Variants in LHX6 observed in about 807,000 individuals in gnomAD.
LHX6 encodes the protein LIM homeobox 6, also known as LIM/homeobox protein Lhx6.
In LHX6, 15 loss-of-function variants were observed where a neutral mutation model predicts 47.1. The observed-to-expected ratio is 0.32, with a 90% CI of 0.21 to 0.49. The LOEUF is 0.49. Among genes scored for constraint, LHX6 ranks in the 20% least tolerant of loss-of-function variants. LHX6 has a pLI of 0.99. For synonymous variants in LHX6, 242 were observed against 233.5 expected (o/e 1.04, Z -0.33); for missense variants, 404 against 539.6 (o/e 0.75, Z 2.49).
Position 122,224,323 on chromosome 9 carries a change from C to A in LHX6, c.461+2053G>T, listed in dbSNP as rs140973752. On this transcript the variant is annotated intron_variant, in intron 4 of 9. Coordinates refer to ENST00000394319, the MANE Select transcript of LHX6 (RefSeq NM_014368.5). Reference sequence around the variant, plus strand: ...TATAGGTGTGAGCCACCACACCCGGCCCATCTGGCATGTTTTATACCAACT... The same window carrying A: ...TATAGGTGTGAGCCACCACACCCGGACCATCTGGCATGTTTTATACCAACT... Among the ~76,000 whole-genome samples the A allele has an allele frequency of 3.5e-4, 53 of 152,222 alleles. 1 individual carries two copies. Among genetic ancestry groups the A allele is most frequent in the Non-Finnish European group, 6.8e-4 (46 of 68,020 alleles).
rs569081646 is a variant in LHX6 at position 122,214,265 on chromosome 9, C to T, written c.783+18G>A. 30 of 1,578,116 alleles carry T rather than the reference C, an allele frequency of 1.9e-5. No individual in the cohort carries two copies. The highest frequency in any genetic ancestry group is 1.0e-4 in the South Asian group (9 of 87,446). Reference sequence around the variant, plus strand: ...CGGCCCGGCCCCCGCCCCCGCCGCCCACTGCTTGCAGCGGTACCTGCAGCT... The same window carrying T: ...CGGCCCGGCCCCCGCCCCCGCCGCCTACTGCTTGCAGCGGTACCTGCAGCT... On this transcript the variant is annotated intron_variant, in intron 6 of 9. Transcript: ENST00000394319. The surrounding 1 kb of genome is among the most constrained non-coding windows in gnomAD (Gnocchi z 4.6).
Position 122,217,175 on chromosome 9 carries a change from T to C in LHX6, c.575A>G (p.Lys192Arg), listed in dbSNP as rs1259396465. 2 of 1,614,196 alleles carry C rather than the reference T, an allele frequency of 1.2e-6. No homozygotes were observed. The highest frequency in any genetic ancestry group is 1.7e-6 in the Non-Finnish European group (2 of 1,180,010). Residue 192 changes from lysine (K) to arginine (R), a missense_variant, in exon 5 of 10, where the codon AAG (lysine) becomes AGG (arginine). By Grantham distance (26) the Lys-to-Arg change is conservative. Coordinates refer to ENST00000394319, the MANE Select transcript of LHX6 (RefSeq NM_014368.5). The surrounding 1 kb of genome is among the most constrained non-coding windows in gnomAD (Gnocchi z 4.9). ...HLACFACFSC[K>R]RQLSTGEEFG... ...CTCCTCACCAGTGGACAGCTGGCGCTTGCACGAGAAGCAGGCGAAGCAGGC... is the reference window on the plus strand; with the variant it reads ...CTCCTCACCAGTGGACAGCTGGCGCCTGCACGAGAAGCAGGCGAAGCAGGC...
intron 1 of LHX6, 91 bp from the exon 2 acceptor site, chr9:122,227,571 T>C: frequency 7.0e-7 from 1 of 1,421,450 alleles, no homozygotes; most frequent in Non-Finnish European, 9.2e-7. Flanking sequence ...GCCTGTTATA[T>C]AAACCGGCGC....
At position 122,228,643 on chromosome 9, in the gene LHX6, G is replaced by T; in HGVS notation, c.84+14C>A. 7.7e-7 allele frequency: 1 copy of T among 1,304,108 alleles called. No homozygotes were observed. The allele number at this position is 1,304,108 out of a possible 1,614,324, so 80.8% of individuals were successfully genotyped here. A position where few individuals can be genotyped will look rare whatever the true frequency, so the allele number is the denominator to read the frequency against. On this transcript the variant is annotated intron_variant, in intron 1 of 9. Coordinates refer to ENST00000394319, the MANE Select transcript of LHX6 (RefSeq NM_014368.5). ...CCCGGCCCGGGCCGCTCACCCAGTC[G>T]TTCGCCGGCTCACCTGGTCGGTGGC... is the stretch of plus-strand genomic sequence containing the variant.
chr9:122,208,600 G>A (rs1385615671), intron 9 of LHX6, among the ~76,000 whole-genome samples: 2 of 152,162 alleles, frequency 1.3e-5, no homozygotes, highest in African/African-American at 4.8e-5. Context: ...GGGAGGCTGA[G>A]GCGGGTGGAT....
intron 9 of LHX6, among the ~76,000 whole-genome samples, chr9:122,207,570 C>T (rs1314853930): frequency 2.6e-5 from 4 of 152,140 alleles, no homozygotes; most frequent in East Asian, 1.9e-4. Flanking sequence ...ACAGTCTCAG[C>T]GGCGATGGTG....
chr9:122,205,285 C>T (rs116176968), intron 9 of LHX6, among the ~76,000 whole-genome samples: 241 of 152,330 alleles, frequency 1.6e-3, no homozygotes, highest in African/African-American at 5.5e-3. Flanking sequence ...CCAAGGTCAC[C>T]GTGACCATAG....
rs913264872 is a variant in LHX6 at position 122,228,795 on chromosome 9, G to C, written c.-55C>G. On this transcript the variant is annotated 5_prime_UTR_variant, in exon 1 of 10. Coordinates refer to ENST00000394319, the MANE Select transcript of LHX6 (RefSeq NM_014368.5). The stretch of plus-strand genomic sequence containing the variant: ...CGCAGCGCGGAGAGCTGCGCCGAGG[G>C]GGACCACAGCCGCAGTGGGAGCAGA... 8.6e-7 allele frequency: 1 copy of C among 1,165,508 alleles called. No homozygotes were observed. Among genetic ancestry groups the C allele is most frequent in the Non-Finnish European group, 1.1e-6 (1 of 929,040 alleles). 72.2% of individuals were successfully genotyped at this position (1,165,508 alleles called of 1,614,324 possible).
Position 122,217,812 on chromosome 9 carries a change from T to C in LHX6, c.462-524A>G, listed in dbSNP as rs1830655308. On this transcript the variant is annotated intron_variant, in intron 4 of 9. Transcript: ENST00000394319. The surrounding 1 kb of genome is among the most constrained non-coding windows in gnomAD (Gnocchi z 4.9). Reference sequence around the variant, plus strand: ...AGCTATAGCGCCAGCTGTACAGAAGTGCAGTTTCTTAGATGAACAGACAGA... The same window carrying C: ...AGCTATAGCGCCAGCTGTACAGAAGCGCAGTTTCTTAGATGAACAGACAGA... Among the ~76,000 whole-genome samples the C allele has an allele frequency of 1.3e-5, 2 of 152,142 alleles. No individual in the cohort carries two copies. The highest frequency in any genetic ancestry group is 4.8e-5 in the African/African-American group (2 of 41,430).
Position 122,204,558 on chromosome 9 carries a change from C to G in LHX6, c.*202G>C, listed in dbSNP as rs992257738. The stretch of plus-strand genomic sequence containing the variant: ...AGTTCTGCCTTCCAAGAGGAGGACT[C>G]TGTGGTGCTCCTGGTGGGTTCTGGT... On this transcript the variant is annotated 3_prime_UTR_variant, in exon 10 of 10. Transcript: ENST00000394319. 1 of 480,090 alleles carries G rather than the reference C, an allele frequency of 2.1e-6. No individual in the cohort carries two copies. 29.7% of individuals were successfully genotyped at this position (480,090 alleles called of 1,614,324 possible).
rs746137540 is a variant in LHX6 at position 122,204,663 on chromosome 9, G to T, written c.*97C>A. 2.5e-5 allele frequency: 36 copies of T among 1,459,914 alleles called. 1 individual carries two copies. In the South Asian group the frequency reaches 3.7e-4, roughly 15 times the overall value. The allele number at this position is 1,459,914 out of a possible 1,614,324, so 90.4% of individuals were successfully genotyped here. On this transcript the variant is annotated 3_prime_UTR_variant, in exon 10 of 10. Coordinates refer to ENST00000394319, the MANE Select transcript of LHX6 (RefSeq NM_014368.5). ...GATGGCGGACGGGGGTGGATGCGGA[G>T]GTGGGTGGACTCCTGGCCGCAGCTT...
In LHX6 at chr9:122,208,980, G is replaced by C. The variant is rs142744229; in HGVS notation, c.1158+634C>G. On this transcript the variant is annotated intron_variant, in intron 9 of 9. Transcript: ENST00000394319. Reference sequence around the variant, plus strand: ...TAACTGTGAGGTGTCTTGGAGCTGGGAGGGAGGTAAGTCTCCTCCTCTCTC... The same window carrying C: ...TAACTGTGAGGTGTCTTGGAGCTGGCAGGGAGGTAAGTCTCCTCCTCTCTC... Among the ~76,000 whole-genome samples, 302 of 152,328 alleles carry C rather than the reference G, an allele frequency of 2.0e-3. 1 individual carries two copies. The highest frequency in any genetic ancestry group is 6.8e-3 in the African/African-American group (284 of 41,570).
chr9:122,221,275 G>C (rs529443749), intron 4 of LHX6: 2 of 985,576 alleles, frequency 2.0e-6, no homozygotes, highest in Middle Eastern at 5.2e-4. Flanking sequence ...ACCGCTTCTC[G>C]GAGGTCCCGG....
rs771972326 is a variant in LHX6 at position 122,213,970 on chromosome 9, C to T, written c.879+4G>A. 115 of 1,591,838 alleles carry T rather than the reference C, an allele frequency of 7.2e-5. No homozygotes were observed. The East Asian group carries it at 2.4e-3, about 34-fold the overall frequency. ...TCCCCAGGCCCCGCCCACCCCCGTC[C>T]CACCTGGATGACTCTCCGGCTGAGG... On this transcript the variant is annotated splice_donor_region_variant and intron_variant, in intron 7 of 9. Transcript: ENST00000394319. This position sits in a 1 kb window ranked among gnomAD's most constrained non-coding sequence, Gnocchi z 5.5.
chr9:122,206,409 A>G (rs1830182119), intron 9 of LHX6, among the ~76,000 whole-genome samples: 1 of 152,110 alleles, frequency 6.6e-6, no homozygotes, highest in Non-Finnish European at 1.5e-5. Context: ...GCCGCCCACC[A>G]AGCCCCAGGA....
At chr9:122,225,685 T>G (rs979486635) in intron 4 of LHX6, among the ~76,000 whole-genome samples, 1 of 152,242 alleles carries the variant, frequency 6.6e-6, no homozygotes, top group Non-Finnish European at 1.5e-5. Flanking sequence ...AAGCTGGGAC[T>G]GGAACAGGCG....
chr9:122,228,809 AG>A lies in LHX6; in HGVS notation c.-70del, dbSNP rs1831221753. On this transcript the variant is annotated 5_prime_UTR_variant, in exon 1 of 10. The change creates a new upstream start codon in the 5' untranslated region. Coordinates refer to ENST00000394319, the MANE Select transcript of LHX6 (RefSeq NM_014368.5). ...CTGCGCCGAGGGGGACCACAGCCGC[AG>A]TGGGAGCAGAGGCTGCTGCAGGAGC... 1 of 1,061,816 alleles carries A rather than the reference AG, an allele frequency of 9.4e-7. No individual in the cohort carries two copies. Among genetic ancestry groups the A allele is most frequent in the African/African-American group, 1.7e-5 (1 of 60,258 alleles). The allele number at this position is 1,061,816 out of a possible 1,614,324, so 65.8% of individuals were successfully genotyped here. A position where few individuals can be genotyped will look rare whatever the true frequency, so the allele number is the denominator to read the frequency against.
chr9:122,209,694 G>A lies in LHX6; in HGVS notation c.1078C>T (p.His360Tyr). 1.1e-6 allele frequency: 1 copy of A among 929,706 alleles called. No homozygotes were observed. The highest frequency in any genetic ancestry group is 1.3e-5 in the South Asian group (1 of 77,448). The allele number at this position is 929,706 out of a possible 1,614,324, so 57.6% of individuals were successfully genotyped here. Residue 360 changes from histidine to tyrosine, a missense_variant, in exon 9 of 10, where the codon CAC (histidine) becomes TAC (tyrosine). Physicochemically the swap from His to Tyr is moderately conservative, Grantham distance 83. Transcript: ENST00000394319. ...IESQVQCGQV[H>Y]CRLPYTAPPV... ...GGTGCGGTGTAAGGCAGCCGGCAGT[G>A]CACCTGCCCGCACTGTACCTGACCT...
rs757184088 is a variant in LHX6, at chr9:122,217,087, G to T, written c.663C>A (p.Leu221=). The change falls in exon 5 of 10, where the codon CTC becomes CTA. Residue 221 remains leucine, a synonymous_variant. Transcript: ENST00000394319. This position sits in a 1 kb window ranked among gnomAD's most constrained non-coding sequence, Gnocchi z 4.9. ...RIHYDTMIEN[L]KRAAENGNGL... ...GGGTACCGTTCTCGGCGGCCCTCTTGAGGTTCTCAATCATGGTGTCGTAGT... is the reference window on the plus strand; with the variant it reads ...GGGTACCGTTCTCGGCGGCCCTCTTTAGGTTCTCAATCATGGTGTCGTAGT... 2 of 1,614,134 alleles carry T rather than the reference G, an allele frequency of 1.2e-6. No homozygotes were observed. The highest frequency in any genetic ancestry group is 1.3e-5 in the African/African-American group (1 of 75,038).
Sources: gnomAD v4.1 joint callset for allele counts (sites outside exome capture counted in the v4.1 genomes callset) on GRCh38, gnomAD v4.1.1 for gene constraint, Gnocchi (gnomAD v3.1) non-coding constraint, MANE v1.5 for transcripts, NCBI Gene and HGNC (gene_info 2026-07-23, HGNC 2026-07-21) for gene names.